The following CD58 variants were observed in gnomAD, a reference collection of about 807,000 sequenced individuals.
CD58 encodes the protein lymphocyte function-associated antigen 3.
Under a neutral mutation model 27.6 loss-of-function variants are expected in CD58, and 14 were observed. The ratio of observed to expected loss-of-function variants is 0.51; its 90% CI spans 0.34 to 0.79. The LOEUF (loss-of-function observed/expected upper bound fraction) is 0.79. CD58 is among the 30% of genes least tolerant of loss of function. The pLI is 0.02. For synonymous variants in CD58, 117 were observed against 103.8 expected, an observed-to-expected ratio of 1.13 and a Z score of -0.77; for missense variants, 268 against 301.7, an observed-to-expected ratio of 0.89 and a Z score of 0.83.
intron 1 of CD58, among the ~76,000 whole-genome samples, chr1:116,564,665 G>A (rs1160989227): frequency 6.6e-6 from 1 of 152,170 alleles, no homozygotes; most frequent in Non-Finnish European, 1.5e-5. Context: ...AATATTGTGA[G>A]ACTTATTCAC....
At chr1:116,565,868 G>C (rs1054851614) in intron 1 of CD58, among the ~76,000 whole-genome samples, 4 of 151,952 alleles carry the variant, frequency 2.6e-5, no homozygotes, top group Non-Finnish European at 5.9e-5. Flanking sequence ...TTACAGGCGT[G>C]TGCCACCATG....
rs932317742 is a variant in CD58 at position 116,554,089 on chromosome 1, C to T, written c.71-9485G>A. ...TATTTTTGCTTATGCTCTAAAAGAACCTGTAGTTTCACTGAATACTGGGAT... is the reference window on the plus strand; with the variant it reads ...TATTTTTGCTTATGCTCTAAAAGAATCTGTAGTTTCACTGAATACTGGGAT... On this transcript the variant is annotated intron_variant, in intron 1 of 5. Coordinates refer to ENST00000369489, the MANE Select transcript of CD58 (RefSeq NM_001779.3). Among the ~76,000 whole-genome samples the T allele has an allele frequency of 3.9e-5, 6 of 152,268 alleles. No individual in the cohort carries two copies. The East Asian group carries it at 9.6e-4, about 24-fold the overall frequency.
rs1159375947 is a variant in CD58, at chr1:116,517,565, A to AAG, written c.743+1665_743+1666insCT. Among the ~76,000 whole-genome samples, 5 of 152,278 alleles carry AAG rather than the reference A, an allele frequency of 3.3e-5. No individual in the cohort carries two copies. The East Asian group carries it at 9.6e-4, about 29-fold the overall frequency. Reference sequence around the variant, plus strand: ...CCGACTCCACAAAACCAAAGGTCTTAACCCCTCGCCTACCTCCTTGTCTCT... The same window carrying AAG: ...CCGACTCCACAAAACCAAAGGTCTTAAGACCCCTCGCCTACCTCCTTGTCTCT... On this transcript the variant is annotated intron_variant, in intron 5 of 5. Coordinates refer to ENST00000369489, the MANE Select transcript of CD58 (RefSeq NM_001779.3). This position sits in a 1 kb window ranked among gnomAD's most constrained non-coding sequence, Gnocchi z 6.5.
Position 116,544,275 on chromosome 1 carries a change from T to C in CD58, c.364+36A>G, listed in dbSNP as rs778393530. 12 of 1,463,460 alleles carry C rather than the reference T, an allele frequency of 8.2e-6. No homozygotes were observed. The African/African-American group carries it at 1.4e-4, about 17-fold the overall frequency. 90.7% of individuals were successfully genotyped at this position (1,463,460 alleles called of 1,614,324 possible). Reference sequence around the variant, plus strand: ...AAAACAGACTAAAAAAATGGAAATTTGCCATTTTAAACAAATCAACTTATG... The same window carrying C: ...AAAACAGACTAAAAAAATGGAAATTCGCCATTTTAAACAAATCAACTTATG... On this transcript the variant is annotated intron_variant, in intron 2 of 5. Transcript: ENST00000369489.
chr1:116,568,919 C>T (rs1181433535), intron 1 of CD58, among the ~76,000 whole-genome samples: 2 of 152,202 alleles, frequency 1.3e-5, no homozygotes, highest in Admixed American at 1.3e-4. Context: ...GGCTTGGGTC[C>T]CCAAAAGGGG....
At chr1:116,542,452 A>G (rs1017901078) in intron 2 of CD58, among the ~76,000 whole-genome samples, 13 of 152,222 alleles carry the variant, frequency 8.5e-5, no homozygotes, top group African/African-American at 2.7e-4. Flanking sequence ...GAGTTTTGGC[A>G]TAGCAGTGCA....
chr1:116,569,867 G>C (rs1168046328), intron 1 of CD58, among the ~76,000 whole-genome samples: 1 of 152,180 alleles, frequency 6.6e-6, no homozygotes, highest in African/African-American at 2.4e-5. Context: ...CTCCCAAAGT[G>C]CTAGGATGAC....
chr1:116,544,054 T>C (rs1357962735), intron 2 of CD58, among the ~76,000 whole-genome samples: 2 of 152,352 alleles, frequency 1.3e-5, no homozygotes, highest in East Asian at 3.9e-4. Context: ...CTGCTGTCAC[T>C]ACATCTCTTT....
intron 1 of CD58, among the ~76,000 whole-genome samples, chr1:116,562,441 GCCT>G (rs1351480202): frequency 1.3e-5 from 2 of 152,114 alleles, no homozygotes; most frequent in Non-Finnish European, 2.9e-5. Context: ...GCTCATCTCA[GCCT>G]CCTGAGTAGC....
chr1:116,547,915 A>G (rs940882733), intron 1 of CD58, among the ~76,000 whole-genome samples: 17 of 152,252 alleles, frequency 1.1e-4, no homozygotes, highest in African/African-American at 4.1e-4. Flanking sequence ...CATTCCCACC[A>G]GCAGTGTACA....
chr1:116,549,615 T>G (rs1658319164), intron 1 of CD58, among the ~76,000 whole-genome samples: 1 of 152,232 alleles, frequency 6.6e-6, no homozygotes, highest in Non-Finnish European at 1.5e-5. Flanking sequence ...AAATTATACA[T>G]AGACACATAC....
chr1:116,555,270 C>T (rs1283295381), intron 1 of CD58, among the ~76,000 whole-genome samples: 2 of 151,986 alleles, frequency 1.3e-5, no homozygotes, highest in Non-Finnish European at 2.9e-5. Context: ...TCATAATGCC[C>T]ACCATAAAAG....
rs1348965555 is a variant in CD58 at position 116,570,996 on chromosome 1, C to T, written c.-24G>A. The T allele has an allele frequency of 2.0e-6, 3 of 1,532,092 alleles. No individual in the cohort carries two copies. Among genetic ancestry groups the T allele is most frequent in the African/African-American group, 1.4e-5 (1 of 72,054 alleles). The allele number at this position is 1,532,092 out of a possible 1,614,324, so 94.9% of individuals were successfully genotyped here. On this transcript the variant is annotated 5_prime_UTR_variant, in exon 1 of 6. Coordinates refer to ENST00000369489, the MANE Select transcript of CD58 (RefSeq NM_001779.3). This position sits in a 1 kb window ranked among gnomAD's most constrained non-coding sequence, Gnocchi z 6.4. ...ATGGCTCGTCGGGCCGGCCTCTGCG[C>T]GAGTGCCCAGCCACAAGCAGCCCTA...
In CD58 at chr1:116,570,981, G is replaced by T. The variant is rs1414124569; in HGVS notation, c.-9C>A. 1.9e-6 allele frequency: 3 copies of T among 1,543,064 alleles called. No homozygotes were observed. Among genetic ancestry groups the T allele is most frequent in the East Asian group, 2.4e-5 (1 of 40,994 alleles). On this transcript the variant is annotated 5_prime_UTR_variant, in exon 1 of 6. Transcript: ENST00000369489. The surrounding 1 kb of genome is among the most constrained non-coding windows in gnomAD (Gnocchi z 6.4). ...TCGCTCCCAGCAACCATGGCTCGTC[G>T]GGCCGGCCTCTGCGCGAGTGCCCAG...
intron 1 of CD58, among the ~76,000 whole-genome samples, chr1:116,568,709 A>G (rs142464644): frequency 3.0e-4 from 46 of 152,348 alleles, no homozygotes; most frequent in African/African-American, 1.1e-3. Context: ...CAGTAATTCT[A>G]TGAAGTGGGT....
intron 2 of CD58, among the ~76,000 whole-genome samples, chr1:116,543,606 C>A (rs1230145989): frequency 1.3e-5 from 2 of 152,020 alleles, no homozygotes; most frequent in Admixed American, 6.6e-5. Flanking sequence ...AGAAATGTGT[C>A]CCCTCTCTCT....
intron 3 of CD58, chr1:116,533,238 A>G (rs1657676170): frequency 1.2e-6 from 1 of 845,378 alleles, no homozygotes; most frequent in Non-Finnish European, 2.0e-6. Context: ...CTCATTGGAT[A>G]CTTGTTTGGT....
chr1:116,549,051 G>A (rs1658296600), intron 1 of CD58, among the ~76,000 whole-genome samples: 1 of 152,192 alleles, frequency 6.6e-6, no homozygotes, highest in Non-Finnish European at 1.5e-5. Context: ...TGCCCTTTCA[G>A]AACAGCGTGG....
intron 3 of CD58, among the ~76,000 whole-genome samples, chr1:116,529,871 G>A (rs1657540859): frequency 6.6e-6 from 1 of 152,002 alleles, no homozygotes; most frequent in Non-Finnish European, 1.5e-5. Flanking sequence ...TTGCAGTGAC[G>A]GTATGACAGT....
Sources: gnomAD v4.1 joint callset for allele counts (sites outside exome capture counted in the v4.1 genomes callset) on GRCh38, gnomAD v4.1.1 for gene constraint, Gnocchi (gnomAD v3.1) non-coding constraint, MANE v1.5 for transcripts, NCBI Gene and HGNC (gene_info 2026-07-23, HGNC 2026-07-21) for gene names.